The following MYMX variants were observed in gnomAD, a reference collection of about 807,000 sequenced individuals.
MYMX encodes protein myomixer.
the MYMX span, among the ~76,000 whole-genome samples, chr6:44,209,112 T>A: frequency 6.6e-6 from 1 of 152,078 alleles, no homozygotes; most frequent in African/African-American, 2.4e-5. Flanking sequence ...TACAGGCGCA[T>A]GCTGCCACAC....
chr6:44,210,401 G>A, the MYMX span, among the ~76,000 whole-genome samples: 1 of 152,038 alleles, frequency 6.6e-6, no homozygotes, highest in Non-Finnish European at 1.5e-5. Context: ...TGATCCTCCT[G>A]TCTCAGCCTC....
the MYMX span, among the ~76,000 whole-genome samples, chr6:44,194,099 C>T: frequency 6.6e-6 from 1 of 152,102 alleles, no homozygotes; most frequent in Non-Finnish European, 1.5e-5. Flanking sequence ...ATTTTCTGTT[C>T]TTTGATATAT....
chr6:44,203,591 G>T, the MYMX span, among the ~76,000 whole-genome samples: 2 of 152,154 alleles, frequency 1.3e-5, no homozygotes, highest in African/African-American at 4.8e-5. Context: ...TGAGCAATTT[G>T]TGAGAAAGGT....
the MYMX span, among the ~76,000 whole-genome samples, chr6:44,209,128 T>A: frequency 6.6e-6 from 1 of 152,204 alleles, no homozygotes. Flanking sequence ...CACACCCAGC[T>A]AATTTTTGTA....
chr6:44,196,545 G>A, the MYMX span, among the ~76,000 whole-genome samples: 4 of 151,996 alleles, frequency 2.6e-5, no homozygotes, highest in Non-Finnish European at 5.9e-5. Flanking sequence ...TGGGCGTGGC[G>A]ATGCACACCT....
At chr6:44,205,983 A>AAAG in the MYMX span, among the ~76,000 whole-genome samples, 1 of 137,578 alleles carries the variant, frequency 7.3e-6, no homozygotes, top group Non-Finnish European at 1.6e-5. Flanking sequence ...CTTTCTCAAA[A>AAAG]AAAAAAAAAC....
the MYMX span, among the ~76,000 whole-genome samples, chr6:44,196,452 G>C: frequency 6.6e-5 from 10 of 152,198 alleles, no homozygotes; most frequent in South Asian, 1.0e-3. Context: ...GCTGAGGCTG[G>C]CGGATCACCT....
the MYMX span, among the ~76,000 whole-genome samples, chr6:44,211,346 T>C: frequency 6.6e-6 from 1 of 152,284 alleles, no homozygotes; most frequent in Non-Finnish European, 1.5e-5. Flanking sequence ...TAATGCATAC[T>C]TTCGGTTAGG....
chr6:44,212,427 T>A (rs1025007008), upstream of MYMX, among the ~76,000 whole-genome samples: 38 of 150,662 alleles, frequency 2.5e-4, no homozygotes, highest in Non-Finnish European at 1.2e-4. Context: ...AATAAATAAA[T>A]AAATAAATAA....
At chr6:44,194,906 A>C in the MYMX span, among the ~76,000 whole-genome samples, 1 of 152,212 alleles carries the variant, frequency 6.6e-6, no homozygotes, top group African/African-American at 2.4e-5. Flanking sequence ...GAATAATAAT[A>C]AAATACAGAG....
chr6:44,205,775 C>G, the MYMX span, among the ~76,000 whole-genome samples: 3 of 151,940 alleles, frequency 2.0e-5, no homozygotes, highest in South Asian at 6.3e-4. Flanking sequence ...CTCCACTTCA[C>G]TCCAGCCAGG....
At chr6:44,214,340 AAG>A (rs1775751414), upstream of MYMX, among the ~76,000 whole-genome samples, 1 of 152,206 alleles carries the variant, frequency 6.6e-6, no homozygotes, top group African/African-American at 2.4e-5. Context: ...CTATAATAGG[AAG>A]AGAGGAGTCA....
chr6:44,208,835 T>C, the MYMX span, among the ~76,000 whole-genome samples: 7 of 152,354 alleles, frequency 4.6e-5, no homozygotes, highest in African/African-American at 1.7e-4. Context: ...CTCCCCATGC[T>C]GTGTCTGCCC....
chr6:44,198,911 C>G, the MYMX span, among the ~76,000 whole-genome samples: 5 of 152,042 alleles, frequency 3.3e-5, no homozygotes, highest in African/African-American at 4.8e-5. Context: ...CTACACCTGG[C>G]CCAGAATTTA....
chr6:44,213,112 G>A (rs1417053897), upstream of MYMX, among the ~76,000 whole-genome samples: 1 of 152,114 alleles, frequency 6.6e-6, no homozygotes, highest in African/African-American at 2.4e-5. Flanking sequence ...CTGGCTGTGC[G>A]CCGTGGCTCA....
At position 44,217,281 on chromosome 6, in the gene MYMX, C is replaced by A. The variant is rs374536748; in HGVS notation, c.-22-169C>A. 1.4e-3 allele frequency among the ~76,000 whole-genome samples: 207 copies of A among 152,234 alleles called. 2 individuals carry two copies. In the South Asian group the frequency reaches 0.027, roughly 20 times the overall value. On this transcript the variant is annotated intron_variant, in intron 1 of 1. Coordinates refer to ENST00000573382, the MANE Select transcript of MYMX (RefSeq NM_001315494.2). ...TATGGTGAGAACCTTCCTGCCTCAG[C>A]TGCCTTGCCAAGAGAAAGGGCTTCA...
chr6:44,204,378 C>T, the MYMX span, among the ~76,000 whole-genome samples: 3 of 152,088 alleles, frequency 2.0e-5, no homozygotes, highest in Non-Finnish European at 4.4e-5. Context: ...TGGATAAAGA[C>T]CCTTTTGGTA....
the MYMX span, among the ~76,000 whole-genome samples, chr6:44,199,238 C>G: frequency 2.0e-5 from 3 of 152,120 alleles, no homozygotes; most frequent in Non-Finnish European, 4.4e-5. Flanking sequence ...CTCCAGTCAC[C>G]CAGGCTGGAG....
chr6:44,194,328 AG>A, the MYMX span, among the ~76,000 whole-genome samples: 7 of 152,090 alleles, frequency 4.6e-5, no homozygotes, highest in African/African-American at 1.4e-4. Context: ...AGATGGGGCA[AG>A]GGGGGAAGAA....
Sources: gnomAD v4.1 joint callset for allele counts (sites outside exome capture counted in the v4.1 genomes callset) on GRCh38, gnomAD v4.1.1 for gene constraint, MANE v1.5 for transcripts, NCBI Gene and HGNC (gene_info 2026-07-23, HGNC 2026-07-21) for gene names.